HCK: variants seen among roughly 807,000 people sequenced by gnomAD.
HCK encodes the protein tyrosine-protein kinase HCK.
A neutral mutation model predicts 70.4 loss-of-function variants in HCK; 40 were observed. The ratio of observed to expected loss-of-function variants is 0.57; its 90% CI spans 0.44 to 0.74. The LOEUF is 0.74. HCK is among the 30% of genes least tolerant of loss of function. The pLI is 0.00. For synonymous variants in HCK, 245 were observed against 263.2 expected (o/e 0.93, Z 0.67); for missense variants, 568 against 697.2 (o/e 0.81, Z 2.09).
In HCK at chr20:32,101,538, G is replaced by C; in HGVS notation, c.*19G>C. 6.2e-7 allele frequency: 1 copy of C among 1,600,138 alleles called. No homozygotes were observed. Among genetic ancestry groups the C allele is most frequent in the East Asian group, 2.2e-5 (1 of 44,532 alleles). On this transcript the variant is annotated 3_prime_UTR_variant, in exon 13 of 13. Transcript: ENST00000375852. Reference sequence around the variant, plus strand: ...GCCATGATAGGGAGGACCAGGGCAGGGCCAGGGGGTGCCCAGGTGGTGGCT... The same window carrying C: ...GCCATGATAGGGAGGACCAGGGCAGCGCCAGGGGGTGCCCAGGTGGTGGCT...
chr20:32,083,239 C>T (rs1166223884), intron 6 of HCK, among the ~76,000 whole-genome samples: 3 of 152,186 alleles, frequency 2.0e-5, no homozygotes, highest in Admixed American at 6.5e-5. Context: ...CTGGAATAAT[C>T]TCCCCGTCTC....
intron 2 of HCK, among the ~76,000 whole-genome samples, chr20:32,072,824 C>G (rs958278613): frequency 1.3e-5 from 2 of 152,074 alleles, no homozygotes; most frequent in Admixed American, 1.3e-4. Context: ...GAGGTCACAG[C>G]TCAAGAAACC....
rs549489811 is a variant in HCK, at chr20:32,056,047, C to T, written c.62+3561C>T. The stretch of plus-strand genomic sequence containing the variant: ...ATAATATTCCATTGTATGGATATTC[C>T]ACAGTTTATTTACCCATTTATCCAC... On this transcript the variant is annotated intron_variant, in intron 1 of 12. Coordinates refer to ENST00000375852, the MANE Select transcript of HCK (RefSeq NM_002110.5). Among the ~76,000 whole-genome samples the T allele has an allele frequency of 9.4e-4, 143 of 152,308 alleles. 1 individual carries two copies. The highest frequency in any genetic ancestry group is 1.8e-3 in the Non-Finnish European group (125 of 68,036).
intron 10 of HCK, 103 bp downstream of exon 10, chr20:32,088,747 T>C (rs1017386271): frequency 3.7e-6 from 3 of 808,998 alleles, no homozygotes; most frequent in South Asian, 3.0e-5. Context: ...GTAATAATAA[T>C]GGGTAAAATG....
chr20:32,080,605 C>T (rs538264449), intron 6 of HCK, among the ~76,000 whole-genome samples: 37 of 152,266 alleles, frequency 2.4e-4, no homozygotes, highest in African/African-American at 8.9e-4. Context: ...ATGATTCTCC[C>T]ATCTCAGTCT....
Position 32,086,817 on chromosome 20 carries a change from G to T in HCK, c.1015+10G>T. ...GAGTTCATGGCCAAAGGTGCTGCGT[G>T]CTGGGGCTGGGGGTGCAGGCTGTGG... On this transcript the variant is annotated intron_variant, in intron 9 of 12. Coordinates refer to ENST00000375852, the MANE Select transcript of HCK (RefSeq NM_002110.5). 1 of 1,563,780 alleles carries T rather than the reference G, an allele frequency of 6.4e-7. No individual in the cohort carries two copies.
intron 9 of HCK, among the ~76,000 whole-genome samples, chr20:32,087,146 C>T: frequency 6.6e-6 from 1 of 152,146 alleles, no homozygotes; most frequent in South Asian, 2.1e-4. Context: ...GTGCCACTCT[C>T]CCGCATCAGC....
chr20:32,069,508 A>G (rs2045507212), intron 1 of HCK, among the ~76,000 whole-genome samples: 1 of 152,238 alleles, frequency 6.6e-6, no homozygotes, highest in Non-Finnish European at 1.5e-5. Context: ...TATATGTCAC[A>G]CAAGATGCCC....
At chr20:32,077,629 C>T (rs1302314177) in intron 5 of HCK, among the ~76,000 whole-genome samples, 7 of 152,076 alleles carry the variant, frequency 4.6e-5, no homozygotes, top group African/African-American at 1.4e-4. Flanking sequence ...CGGGTTCAAG[C>T]GATTCTCCTG....
In HCK at chr20:32,052,502, A is replaced by G; in HGVS notation, c.62+16A>G. On this transcript the variant is annotated intron_variant, in intron 1 of 12. Transcript: ENST00000375852. Reference sequence around the variant, plus strand: ...GGGCGCCCAGGTGAGTGCCGCGCACAGGGGACCGGGAATACCCGGCCCGCG... The same window carrying G: ...GGGCGCCCAGGTGAGTGCCGCGCACGGGGGACCGGGAATACCCGGCCCGCG... 1.6e-6 allele frequency: 2 copies of G among 1,264,010 alleles called. No homozygotes were observed. Among genetic ancestry groups the G allele is most frequent in the Non-Finnish European group, 2.0e-6 (2 of 996,550 alleles). The allele number at this position is 1,264,010 out of a possible 1,614,324, so 78.3% of individuals were successfully genotyped here.
chr20:32,061,172 CG>C (rs1200883117), intron 1 of HCK, among the ~76,000 whole-genome samples: 28 of 152,106 alleles, frequency 1.8e-4, no homozygotes, highest in Non-Finnish European at 5.9e-5. Flanking sequence ...TTAGTAGAGA[CG>C]GGGTTTCACC....
chr20:32,080,037 G>A (rs2045687473), intron 6 of HCK, among the ~76,000 whole-genome samples, 160 bp downstream of exon 6: 1 of 152,240 alleles, frequency 6.6e-6, no homozygotes, highest in African/African-American at 2.4e-5. Context: ...GAGCTGGGGA[G>A]GGTTGAGGCT....
intron 7 of HCK, 108 bp from the exon 8 acceptor site, chr20:32,084,283 G>GGTGGAACACTGGAGAGATCCA: frequency 7.7e-7 from 1 of 1,302,434 alleles, no homozygotes; most frequent in Non-Finnish European, 1.0e-6. Flanking sequence ...GTGGCAACCA[G>GGTGGAACACTGGAGAGATCCA]GTGGAACACT....
chr20:32,096,074 G>C (rs533501739), intron 11 of HCK, among the ~76,000 whole-genome samples: 3 of 151,474 alleles, frequency 2.0e-5, no homozygotes, highest in African/African-American at 7.3e-5. Context: ...ATTTTTAGTA[G>C]AGACAGGGTT....
At chr20:32,060,588 G>A (rs1272597526) in intron 1 of HCK, among the ~76,000 whole-genome samples, 1 of 152,188 alleles carries the variant, frequency 6.6e-6, no homozygotes, top group Non-Finnish European at 1.5e-5. Flanking sequence ...GCATCCAGCA[G>A]ACTAAATGGG....
chr20:32,095,738 G>A (rs2122628724), intron 11 of HCK, among the ~76,000 whole-genome samples: 1 of 152,202 alleles, frequency 6.6e-6, no homozygotes, highest in East Asian at 1.9e-4. Flanking sequence ...ACTTTAAATG[G>A]GTGAAATGTA....
intron 7 of HCK, 146 bp downstream of exon 7, chr20:32,084,189 G>C (rs933946152): frequency 1.9e-6 from 2 of 1,076,494 alleles, no homozygotes; most frequent in Non-Finnish European, 2.6e-6. Context: ...TGAAGGCTTA[G>C]GACTGTTGAG....
intron 5 of HCK, among the ~76,000 whole-genome samples, chr20:32,078,173 T>C (rs530514515): frequency 6.6e-6 from 1 of 151,724 alleles, no homozygotes; most frequent in East Asian, 1.9e-4. Context: ...TAGCTGGGAC[T>C]ACAGGCTCCT....
chr20:32,097,993 C>T (rs921329798), intron 11 of HCK, among the ~76,000 whole-genome samples: 10 of 152,032 alleles, frequency 6.6e-5, no homozygotes, highest in African/African-American at 1.7e-4. Flanking sequence ...GGCTGGGTAA[C>T]ATAATAAAAC....
Sources: gnomAD v4.1 joint callset for allele counts (sites outside exome capture counted in the v4.1 genomes callset) on GRCh38, gnomAD v4.1.1 for gene constraint, MANE v1.5 for transcripts, NCBI Gene and HGNC (gene_info 2026-07-23, HGNC 2026-07-21) for gene names.